Variants in GABRG3 observed in about 807,000 individuals in gnomAD.
GABRG3 encodes the protein gamma-aminobutyric acid receptor subunit gamma-3.
Under a neutral mutation model 48.8 loss-of-function variants are expected in GABRG3, and 25 were observed. The ratio of observed to expected loss-of-function variants is 0.51; its 90% CI spans 0.37 to 0.72. GABRG3 has a LOEUF of 0.72. Among genes scored for constraint, GABRG3 ranks in the 30% least tolerant of loss-of-function variants. The probability of loss-of-function intolerance (pLI) is 0.00; values close to 1 mark genes in which losing one functional copy is unlikely to be tolerated. For missense variants in GABRG3, 394 were observed against 577.9 expected (o/e 0.68, Z 3.26); for synonymous variants, 227 against 217.6 (o/e 1.04, Z -0.38).
intron 5 of GABRG3, among the ~76,000 whole-genome samples, chr15:27,393,489 T>C (rs1887209996): frequency 6.6e-6 from 1 of 152,186 alleles, no homozygotes; most frequent in Admixed American, 6.6e-5. Flanking sequence ...ACCATATACA[T>C]ATACACATAC....
At chr15:27,439,027 T>C (rs1300842889) in intron 5 of GABRG3, among the ~76,000 whole-genome samples, 1 of 152,172 alleles carries the variant, frequency 6.6e-6, no homozygotes, top group East Asian at 1.9e-4. Flanking sequence ...GAGAGCTGAA[T>C]ACCTGGGGAA....
At chr15:27,466,509 C>T (rs1254242974) in intron 5 of GABRG3, among the ~76,000 whole-genome samples, 1 of 152,216 alleles carries the variant, frequency 6.6e-6, no homozygotes, top group Non-Finnish European at 1.5e-5. Flanking sequence ...TTTGGAACAG[C>T]TTGATATTGC....
At chr15:27,102,487 T>G (rs1010529240) in intron 3 of GABRG3, among the ~76,000 whole-genome samples, 1 of 152,216 alleles carries the variant, frequency 6.6e-6, no homozygotes, top group Non-Finnish European at 1.5e-5. Context: ...TAAATTTTTA[T>G]AAAATCATGC....
chr15:27,448,829 T>G (rs1408763572), intron 5 of GABRG3, among the ~76,000 whole-genome samples: 1 of 134,882 alleles, frequency 7.4e-6, no homozygotes, highest in Middle Eastern at 3.4e-3. Flanking sequence ...AGTTACGAAG[T>G]TATTTAAAAA....
At chr15:27,335,705 C>G (rs930228292) in intron 5 of GABRG3, among the ~76,000 whole-genome samples, 1 of 152,056 alleles carries the variant, frequency 6.6e-6, no homozygotes, top group Non-Finnish European at 1.5e-5. Context: ...CACAGAGCTT[C>G]TGTGTGGGAG....
At chr15:27,068,463 C>T (rs754618549) in intron 3 of GABRG3, among the ~76,000 whole-genome samples, 7 of 152,234 alleles carry the variant, frequency 4.6e-5, no homozygotes, top group South Asian at 2.1e-4. Context: ...TGGGTGGCAG[C>T]GGTCTGGCTG....
At chr15:27,380,740 C>T (rs1228294550) in intron 5 of GABRG3, among the ~76,000 whole-genome samples, 12 of 144,978 alleles carry the variant, frequency 8.3e-5, no homozygotes, top group Admixed American at 6.4e-4. Context: ...TCAGGGGCTA[C>T]GGGGGGAGAA....
intron 3 of GABRG3, among the ~76,000 whole-genome samples, chr15:27,149,905 A>C (rs1382666517): frequency 6.6e-6 from 1 of 152,210 alleles, no homozygotes; most frequent in Non-Finnish European, 1.5e-5. Context: ...ATAAAGTTTT[A>C]AGCACTTGGT....
chr15:27,189,370 T>A (rs1888215838), intron 3 of GABRG3, among the ~76,000 whole-genome samples: 1 of 152,176 alleles, frequency 6.6e-6, no homozygotes, highest in Admixed American at 6.5e-5. Flanking sequence ...GCATGGAATG[T>A]TCTTCCATTT....
chr15:27,097,774 G>A (rs1381230621), intron 3 of GABRG3, among the ~76,000 whole-genome samples: 3 of 152,010 alleles, frequency 2.0e-5, no homozygotes, highest in Non-Finnish European at 2.9e-5. Context: ...TGAATATTCA[G>A]GAAAGGTCCC....
At chr15:27,057,877 A>C (rs578058769) in intron 3 of GABRG3, among the ~76,000 whole-genome samples, 1 of 152,214 alleles carries the variant, frequency 6.6e-6, no homozygotes, top group Non-Finnish European at 1.5e-5. Context: ...CCACTACCAG[A>C]AGGAAAGTCA....
At chr15:27,524,215 A>C (rs1442982896) in intron 7 of GABRG3, among the ~76,000 whole-genome samples, 1 of 152,120 alleles carries the variant, frequency 6.6e-6, no homozygotes, top group Non-Finnish European at 1.5e-5. Context: ...GCAAGGAGGA[A>C]GTAGCACAGC....
intron 5 of GABRG3, among the ~76,000 whole-genome samples, chr15:27,388,095 A>T (rs1340703719): frequency 2.4e-5 from 1 of 40,902 alleles, no homozygotes; most frequent in African/African-American, 1.6e-4. Flanking sequence ...AGGAGGGAGG[A>T]AAGGGAGGGA....
At chr15:27,142,652 C>T (rs548497035) in intron 3 of GABRG3, among the ~76,000 whole-genome samples, 1 of 152,240 alleles carries the variant, frequency 6.6e-6, no homozygotes, top group African/African-American at 2.4e-5. Flanking sequence ...GACTTTTCCC[C>T]TTGGTCAAAT....
chr15:27,439,492 C>T (rs1888718333), intron 5 of GABRG3, among the ~76,000 whole-genome samples: 1 of 152,102 alleles, frequency 6.6e-6, no homozygotes. Flanking sequence ...ACAAACACTA[C>T]CTCAGAATCA....
At chr15:27,057,332 C>T (rs1026548117) in intron 3 of GABRG3, among the ~76,000 whole-genome samples, 2 of 152,206 alleles carry the variant, frequency 1.3e-5, no homozygotes, top group South Asian at 4.1e-4. Flanking sequence ...AAAACCATTT[C>T]TGCTCTTGTA....
chr15:27,482,842 C>T (rs551744562), intron 6 of GABRG3, among the ~76,000 whole-genome samples: 6 of 152,292 alleles, frequency 3.9e-5, no homozygotes, highest in African/African-American at 1.4e-4. Context: ...GGTGCATTGC[C>T]GAGTCCAGGC....
rs369241845 is a variant in GABRG3 at position 27,352,036 on chromosome 15, A to AGT, written c.574+23159_574+23160dup. On this transcript the variant is annotated intron_variant, in intron 5 of 9. Transcript: ENST00000615808. The surrounding 1 kb of genome is among the most constrained non-coding windows in gnomAD (Gnocchi z 4.0). ...GTGGGTTTATGGTGTATGCGTGTAT[A>AGT]GTGTGTGTGTGTATGGTATGTGTGT... 7.8e-6 allele frequency among the ~76,000 whole-genome samples: 1 copy of AGT among 127,574 alleles called. No individual in the cohort carries two copies. Among genetic ancestry groups the AGT allele is most frequent in the Non-Finnish European group, 1.7e-5 (1 of 59,932 alleles). 83.7% of individuals were successfully genotyped at this position (127,574 alleles called of 152,430 possible).
chr15:27,432,134 G>T (rs1203560594), intron 5 of GABRG3, among the ~76,000 whole-genome samples: 1 of 152,110 alleles, frequency 6.6e-6, no homozygotes, highest in Non-Finnish European at 1.5e-5. Flanking sequence ...GTTTGGTGAT[G>T]ATTTCTATAT....
Sources: gnomAD v4.1 joint callset for allele counts (sites outside exome capture counted in the v4.1 genomes callset) on GRCh38, gnomAD v4.1.1 for gene constraint, Gnocchi (gnomAD v3.1) non-coding constraint, MANE v1.5 for transcripts, NCBI Gene and HGNC (gene_info 2026-07-23, HGNC 2026-07-21) for gene names.